NCAM2: variants seen among roughly 807,000 people sequenced by gnomAD.
The protein encoded by NCAM2 is N-CAM-2.
In NCAM2, 30 loss-of-function variants were observed where a neutral mutation model predicts 98.1. That is an observed-to-expected ratio of 0.31 (90% confidence interval 0.23 to 0.41). NCAM2 has a LOEUF of 0.41. NCAM2 is among the 10% of genes least tolerant of loss of function. The probability of loss-of-function intolerance (pLI) is 1.00; values close to 1 mark genes in which losing one functional copy is unlikely to be tolerated. For missense variants in NCAM2, 867 were observed against 1,005.8 expected (o/e 0.86, Z 1.87); for synonymous variants, 368 against 342.4 (o/e 1.07, Z -0.83).
intron 1 of NCAM2, among the ~76,000 whole-genome samples, chr21:21,104,996 C>A (rs938749609): frequency 6.6e-6 from 1 of 152,036 alleles, no homozygotes; most frequent in African/African-American, 2.4e-5. Context: ...AACAAATCCC[C>A]CAGTCTCAAA....
chr21:21,045,422 T>C (rs982961098), intron 1 of NCAM2, among the ~76,000 whole-genome samples: 3 of 152,162 alleles, frequency 2.0e-5, no homozygotes, highest in Non-Finnish European at 4.4e-5. Context: ...GGTGGGAGGA[T>C]TGCTTGAGCT....
At chr21:21,211,732 A>G (rs753990729) in intron 1 of NCAM2, among the ~76,000 whole-genome samples, 1 of 152,210 alleles carries the variant, frequency 6.6e-6, no homozygotes, top group Non-Finnish European at 1.5e-5. Context: ...TTCTTTCCAC[A>G]TGTCCCTTTC....
chr21:21,418,419 T>A, intron 10 of NCAM2, 54 bp from the exon 11 acceptor site: 3 of 1,364,942 alleles, frequency 2.2e-6, no homozygotes, highest in Non-Finnish European at 3.1e-6. Context: ...GGGTTTATTA[T>A]AAAACTTCTG....
chr21:21,231,469 TTATAAG>T (rs943524606), intron 1 of NCAM2, among the ~76,000 whole-genome samples: 1 of 151,392 alleles, frequency 6.6e-6, no homozygotes, highest in East Asian at 1.9e-4. Flanking sequence ...ACTTGGCTTA[TTATAAG>T]TATAATTTTA....
intron 15 of NCAM2, among the ~76,000 whole-genome samples, chr21:21,486,303 C>CAAAAAAAAAA (rs67182493): frequency 1.9e-5 from 1 of 52,264 alleles, no homozygotes. Flanking sequence ...GACTCCGTCT[C>CAAAAAAAAAA]AAAAAAAAAA....
At chr21:21,122,460 A>G (rs978458561) in intron 1 of NCAM2, among the ~76,000 whole-genome samples, 3 of 152,232 alleles carry the variant, frequency 2.0e-5, no homozygotes, top group African/African-American at 7.2e-5. Flanking sequence ...AATTTCCACA[A>G]TAATGCTGTA....
At chr21:21,275,454 T>G (rs1055602074) in intron 1 of NCAM2, among the ~76,000 whole-genome samples, 3 of 150,244 alleles carry the variant, frequency 2.0e-5, no homozygotes, top group Admixed American at 6.6e-5. Flanking sequence ...AAATAAAAAA[T>G]AAAAATAAAT....
rs549654151 is a variant in NCAM2 at position 21,343,706 on chromosome 21, A to G, written c.1044+5172A>G. 2.6e-5 allele frequency among the ~76,000 whole-genome samples: 4 copies of G among 152,274 alleles called. No individual in the cohort carries two copies. In the South Asian group the frequency reaches 8.3e-4, roughly 32 times the overall value. On this transcript the variant is annotated intron_variant, in intron 8 of 17. Coordinates refer to ENST00000400546, the MANE Select transcript of NCAM2 (RefSeq NM_004540.5). ...AACCAGCCCTAGCCAGAAAGGAATC[A>G]CCGATTCCAGCGGTACAAACTTGAG...
chr21:21,210,538 CAG>C lies in NCAM2; in HGVS notation c.56-70037_56-70036del, dbSNP rs1215093957. 5 of 1,285,892 alleles carry C rather than the reference CAG, an allele frequency of 3.9e-6. No homozygotes were observed. In the East Asian group the frequency reaches 2.2e-4, roughly 58 times the overall value. 79.7% of individuals were successfully genotyped at this position (1,285,892 alleles called of 1,614,324 possible). ...AGACTTAAAGAACAATTTCTTCTTT[CAG>C]AGTTATTTGAAGAGTACCACGATGG... On this transcript the variant is annotated intron_variant, in intron 1 of 17. Transcript: ENST00000400546.
intron 4 of NCAM2, among the ~76,000 whole-genome samples, chr21:21,288,765 G>A (rs907025411): frequency 6.6e-6 from 1 of 151,796 alleles, no homozygotes; most frequent in African/African-American, 2.4e-5. Context: ...TTAGAATAAT[G>A]CCACGGACCC....
At chr21:21,260,936 A>G (rs1280415297) in intron 1 of NCAM2, among the ~76,000 whole-genome samples, 1 of 152,172 alleles carries the variant, frequency 6.6e-6, no homozygotes, top group South Asian at 2.1e-4. Context: ...AAAATACTCA[A>G]CCACCATCTT....
intron 16 of NCAM2, among the ~76,000 whole-genome samples, chr21:21,516,914 T>C (rs992597690): frequency 2.0e-5 from 3 of 152,188 alleles, no homozygotes; most frequent in African/African-American, 7.2e-5. Context: ...CTCAGTTCTC[T>C]TTCTTTATGT....
At chr21:21,248,558 C>T (rs1192632696) in intron 1 of NCAM2, among the ~76,000 whole-genome samples, 3 of 151,764 alleles carry the variant, frequency 2.0e-5, no homozygotes, top group East Asian at 3.9e-4. Context: ...AAGCGGGTCA[C>T]GAGGTCAGGA....
intron 15 of NCAM2, among the ~76,000 whole-genome samples, chr21:21,507,291 A>G (rs1466377413): frequency 6.6e-6 from 1 of 152,138 alleles, no homozygotes; most frequent in Non-Finnish European, 1.5e-5. Context: ...TTATTAAAAT[A>G]TTAAACCTAA....
At chr21:21,497,846 C>T (rs540045600) in intron 15 of NCAM2, among the ~76,000 whole-genome samples, 43 of 152,088 alleles carry the variant, frequency 2.8e-4, no homozygotes, top group African/African-American at 9.9e-4. Flanking sequence ...CAAAAATAGC[C>T]TGAGGATGTA....
chr21:21,367,814 C>T (rs988257979), intron 8 of NCAM2, among the ~76,000 whole-genome samples: 28 of 151,866 alleles, frequency 1.8e-4, no homozygotes, highest in Non-Finnish European at 3.5e-4. Context: ...AGTAGTTAAT[C>T]TCAGGCTTTA....
At chr21:21,058,533 A>G (rs1340552413) in intron 1 of NCAM2, among the ~76,000 whole-genome samples, 2 of 152,142 alleles carry the variant, frequency 1.3e-5, no homozygotes, top group Non-Finnish European at 2.9e-5. Context: ...GCTATTTGCT[A>G]CAGAGGCAGA....
At chr21:21,111,129 T>G (rs1026916750) in intron 1 of NCAM2, among the ~76,000 whole-genome samples, 4 of 152,184 alleles carry the variant, frequency 2.6e-5, no homozygotes, top group African/African-American at 7.2e-5. Flanking sequence ...TTACTTTTAC[T>G]TATGAGAAGG....
At chr21:21,291,303 G>T (rs1265370914) in intron 4 of NCAM2, among the ~76,000 whole-genome samples, 1 of 151,858 alleles carries the variant, frequency 6.6e-6, no homozygotes, top group African/African-American at 2.4e-5. Flanking sequence ...GAATGATAAG[G>T]AGAGAAAAGG....
Sources: allele counts gnomAD v4.1 joint callset (sites outside exome capture counted in the v4.1 genomes callset), GRCh38; gene constraint gnomAD v4.1.1; transcripts MANE v1.5; gene names NCBI Gene and HGNC (gene_info 2026-07-23, HGNC 2026-07-21).